Variants in CADM2 observed in about 807,000 individuals in gnomAD.
CADM2 encodes the protein immunoglobulin superfamily member 4D.
In CADM2, 12 loss-of-function variants were observed where a neutral mutation model predicts 49.8. The observed-to-expected ratio is 0.24, with a 90% confidence interval of 0.15 to 0.39. The LOEUF (loss-of-function observed/expected upper bound fraction) is 0.39. Among genes scored for constraint, CADM2 ranks in the 10% least tolerant of loss-of-function variants. The pLI, the probability that CADM2 is intolerant of heterozygous loss-of-function variation, is 1.00. For synonymous variants in CADM2, 214 were observed against 175.4 expected, an observed-to-expected ratio of 1.22 and a Z score of -1.74; for missense variants, 378 against 492.3, an observed-to-expected ratio of 0.77 and a Z score of 2.20.
chr3:85,566,474 G>T (rs916875508), intron 1 of CADM2, among the ~76,000 whole-genome samples: 4 of 152,072 alleles, frequency 2.6e-5, no homozygotes, highest in Non-Finnish European at 5.9e-5. Context: ...AAGATGCCTT[G>T]TTGAGCACTG....
At chr3:85,568,431 C>CTT in intron 1 of CADM2, among the ~76,000 whole-genome samples, 1 of 28,442 alleles carries the variant, frequency 3.5e-5, no homozygotes. Context: ...TTCTTTCTTT[C>CTT]TTTCTTTCTT....
Position 85,559,789 on chromosome 3 carries a change from A to T in CADM2, c.62-166733A>T, listed in dbSNP as rs1023807783. Among the ~76,000 whole-genome samples the T allele has an allele frequency of 3.3e-5, 5 of 152,208 alleles. No individual in the cohort carries two copies. In the East Asian group the frequency reaches 9.6e-4, roughly 29 times the overall value. Reference sequence around the variant, plus strand: ...TTCTCTTGAGTCTGAAAACAAGCCAAGATTTATTGGAAGGTGAAGAGAAGG... The same window carrying T: ...TTCTCTTGAGTCTGAAAACAAGCCATGATTTATTGGAAGGTGAAGAGAAGG... On this transcript the variant is annotated intron_variant, in intron 1 of 9. Transcript: ENST00000383699.
chr3:85,810,910 A>C (rs1357024141), intron 3 of CADM2, among the ~76,000 whole-genome samples: 1 of 152,196 alleles, frequency 6.6e-6, no homozygotes, highest in Non-Finnish European at 1.5e-5. Flanking sequence ...TTCTTTAAAC[A>C]TAAAGAAAAT....
chr3:85,008,741 CAT>C lies in CADM2; in HGVS notation c.61+49085_61+49086del, dbSNP rs766800135. Among the ~76,000 whole-genome samples the C allele has an allele frequency of 6.6e-3, 1,000 of 151,450 alleles. 18 individuals are homozygous for C. The highest frequency in any genetic ancestry group is 0.023 in the African/African-American group (957 of 41,326). On this transcript the variant is annotated intron_variant, in intron 1 of 9. Coordinates refer to ENST00000383699, the MANE Select transcript of CADM2 (RefSeq NM_001167675.2). Reference sequence around the variant, plus strand: ...GATATAAGAAACATATATAAAGAGTCATATATATATATAATTTATATGGCCTT... The same window carrying C: ...GATATAAGAAACATATATAAAGAGTCATATATATATAATTTATATGGCCTT...
chr3:85,672,190 T>A (rs977689973), intron 1 of CADM2, among the ~76,000 whole-genome samples: 1 of 128,210 alleles, frequency 7.8e-6, no homozygotes. Context: ...TTCTAGGATG[T>A]CTTTTTTTTT....
chr3:85,861,482 A>G (rs1221401089), intron 3 of CADM2, among the ~76,000 whole-genome samples: 1 of 152,186 alleles, frequency 6.6e-6, no homozygotes, highest in Non-Finnish European at 1.5e-5. Context: ...AAGGAAAATC[A>G]GGAAATTCTG....
intron 6 of CADM2, among the ~76,000 whole-genome samples, chr3:85,925,828 A>C (rs1196184805): frequency 1.3e-5 from 2 of 152,114 alleles, no homozygotes; most frequent in Non-Finnish European, 2.9e-5. Flanking sequence ...AGAGATAGAT[A>C]GATAGATAGA....
At chr3:85,200,382 T>C (rs543904621) in intron 1 of CADM2, among the ~76,000 whole-genome samples, 113 of 152,240 alleles carry the variant, frequency 7.4e-4, no homozygotes, top group African/African-American at 2.5e-3. Flanking sequence ...TAGATACTGA[T>C]AACTTGGTAT....
chr3:85,920,631 G>T (rs1448611063), intron 6 of CADM2, among the ~76,000 whole-genome samples: 1 of 151,522 alleles, frequency 6.6e-6, no homozygotes, highest in East Asian at 1.9e-4. Flanking sequence ...GGCACATTTT[G>T]CTCATGAGAC....
At chr3:85,772,641 C>A (rs2070151235) in intron 2 of CADM2, among the ~76,000 whole-genome samples, 1 of 151,988 alleles carries the variant, frequency 6.6e-6, no homozygotes, top group Non-Finnish European at 1.5e-5. Context: ...CCCTCTTTTT[C>A]AGCAGCCAGG....
chr3:85,131,608 T>C (rs1271552602), intron 1 of CADM2, among the ~76,000 whole-genome samples: 1 of 152,184 alleles, frequency 6.6e-6, no homozygotes, highest in Non-Finnish European at 1.5e-5. Context: ...ATGTTAGTCA[T>C]CTTACAAAGA....
chr3:85,858,738 T>G (rs1431159464), intron 3 of CADM2, among the ~76,000 whole-genome samples: 2 of 152,190 alleles, frequency 1.3e-5, no homozygotes, highest in Admixed American at 1.3e-4. Flanking sequence ...TTTATAGGAT[T>G]GGCAAATGCA....
chr3:85,840,717 T>G (rs2074604021), intron 3 of CADM2, among the ~76,000 whole-genome samples: 1 of 151,910 alleles, frequency 6.6e-6, no homozygotes, highest in Non-Finnish European at 1.5e-5. Context: ...AAGGTATTTT[T>G]CAGTGGCCTA....
At chr3:85,755,765 C>G (rs1272628743) in intron 2 of CADM2, among the ~76,000 whole-genome samples, 3 of 152,032 alleles carry the variant, frequency 2.0e-5, no homozygotes, top group Non-Finnish European at 4.4e-5. Context: ...ATGAAAACAG[C>G]AAGAGGGGAA....
chr3:85,395,691 C>T (rs1445930197), intron 1 of CADM2, among the ~76,000 whole-genome samples: 2 of 151,920 alleles, frequency 1.3e-5, no homozygotes, highest in South Asian at 2.1e-4. Flanking sequence ...CTTGAAAAAG[C>T]CCCTTGTGGC....
chr3:85,815,879 A>G (rs2108154385), intron 3 of CADM2, among the ~76,000 whole-genome samples: 1 of 152,324 alleles, frequency 6.6e-6, no homozygotes, highest in South Asian at 2.1e-4. Flanking sequence ...CCTTAAGCTG[A>G]TAAGCAACTT....
At chr3:85,340,646 A>G (rs974601098) in intron 1 of CADM2, among the ~76,000 whole-genome samples, 2 of 151,630 alleles carry the variant, frequency 1.3e-5, no homozygotes, top group South Asian at 4.1e-4. Context: ...GAGAATTAGA[A>G]TAGATTTTCT....
intron 1 of CADM2, among the ~76,000 whole-genome samples, chr3:84,993,365 A>G (rs1464922101): frequency 6.6e-6 from 1 of 152,176 alleles, no homozygotes; most frequent in Non-Finnish European, 1.5e-5. Flanking sequence ...CTAAAGCAAT[A>G]CTCTCTCTGT....
intron 8 of CADM2, among the ~76,000 whole-genome samples, chr3:86,054,426 G>A (rs1484393087): frequency 6.6e-6 from 1 of 151,992 alleles, no homozygotes; most frequent in African/African-American, 2.4e-5. Flanking sequence ...AGTAGAAATA[G>A]TATTGTGTGT....
Sources: gnomAD v4.1 joint callset for allele counts (sites outside exome capture counted in the v4.1 genomes callset) on GRCh38, gnomAD v4.1.1 for gene constraint, MANE v1.5 for transcripts, NCBI Gene and HGNC (gene_info 2026-07-23, HGNC 2026-07-21) for gene names.